Variants in GPC4 observed in about 807,000 individuals in gnomAD.
GPC4 encodes glypican 4.
Under a neutral mutation model 35.0 loss-of-function variants are expected in GPC4, and 10 were observed. The ratio of observed to expected loss-of-function variants is 0.29; its 90% CI spans 0.18 to 0.48. The LOEUF is 0.48. GPC4 is among the 20% of genes least tolerant of loss of function. The pLI, the probability that GPC4 is intolerant of heterozygous loss-of-function variation, is 0.99. For missense variants in GPC4, 322 were observed against 451.3 expected (o/e 0.71, Z 2.60); for synonymous variants, 167 against 170.2 (o/e 0.98, Z 0.15).
intron 1 of GPC4, among the ~76,000 whole-genome samples, chrX:133,378,077 G>C (rs192153612): frequency 1.9e-5 from 2 of 107,643 alleles, no homozygotes; most frequent in Non-Finnish European, 3.8e-5. Context: ...GTAGAGACAG[G>C]GTTTTGTCAC....
chrX:133,305,716 G>A, intron 6 of GPC4, 56 bp downstream of exon 6: 1 of 1,187,438 alleles, frequency 8.4e-7, no homozygotes, highest in South Asian at 1.9e-5. Context: ...TTCATTTTGA[G>A]CAAGAGTTTT....
chrX:133,311,036 T>C (rs1315581774), intron 4 of GPC4, among the ~76,000 whole-genome samples: 2 of 112,153 alleles, frequency 1.8e-5, no homozygotes, highest in East Asian at 5.6e-4. Flanking sequence ...TGGCAGCCAC[T>C]GTATCTATTA....
intron 1 of GPC4, among the ~76,000 whole-genome samples, chrX:133,357,730 T>C (rs972664315): frequency 2.7e-5 from 3 of 111,045 alleles, no homozygotes; most frequent in Non-Finnish European, 5.7e-5. Flanking sequence ...CCCTCCTAAC[T>C]TCTCTGAGAC....
At chrX:133,387,105 C>T (rs1371150077) in intron 1 of GPC4, among the ~76,000 whole-genome samples, 1 of 112,000 alleles carries the variant, frequency 8.9e-6, no homozygotes, top group Non-Finnish European at 1.9e-5. Flanking sequence ...AACTGTACCC[C>T]GACAGGATCC....
At chrX:133,364,735 A>G (rs772163620) in intron 1 of GPC4, among the ~76,000 whole-genome samples, 3 of 112,343 alleles carry the variant, frequency 2.7e-5, no homozygotes, top group African/African-American at 6.5e-5. Flanking sequence ...TAAAGAGAAC[A>G]CATAATCAAC....
intron 2 of GPC4, among the ~76,000 whole-genome samples, chrX:133,335,127 A>G: frequency 9.0e-6 from 1 of 111,137 alleles, no homozygotes. Flanking sequence ...TCCCTCCTGA[A>G]TTAAGTATGT....
intron 2 of GPC4, among the ~76,000 whole-genome samples, chrX:133,327,636 A>AGTGTGTGTGTGTGTGTGTGTGTGTGT (rs557359106): frequency 3.6e-5 from 3 of 83,287 alleles, no homozygotes; most frequent in African/African-American, 1.3e-4. Context: ...TGTCCAGGAA[A>AGTGTGTGTGTGTGTGTGTGTGTGTGT]GTGTGTGTGT....
intron 1 of GPC4, among the ~76,000 whole-genome samples, chrX:133,387,716 C>T (rs960348190): frequency 9.0e-6 from 1 of 111,577 alleles, no homozygotes; most frequent in Non-Finnish European, 1.9e-5. Flanking sequence ...TGTAAATGAG[C>T]GCTAGATTTC....
At chrX:133,333,804 T>C (rs1233320201) in intron 2 of GPC4, among the ~76,000 whole-genome samples, 3 of 112,226 alleles carry the variant, frequency 2.7e-5, no homozygotes, top group Non-Finnish European at 5.6e-5. Flanking sequence ...ACAGCAGAGG[T>C]TTTAGAAAGC....
At chrX:133,397,771 T>C (rs1472919549) in intron 1 of GPC4, among the ~76,000 whole-genome samples, 1 of 111,248 alleles carries the variant, frequency 9.0e-6, no homozygotes, top group South Asian at 3.8e-4. Context: ...ATAATAATAG[T>C]AGGCTGAGGC....
intron 2 of GPC4, among the ~76,000 whole-genome samples, chrX:133,338,311 A>G (rs1439426071): frequency 8.9e-6 from 1 of 111,895 alleles, no homozygotes; most frequent in Admixed American, 9.5e-5. Flanking sequence ...CTTCAAAGGT[A>G]CTATGTAATT....
chrX:133,369,237 T>C (rs1031386550), intron 1 of GPC4, among the ~76,000 whole-genome samples: 2 of 111,868 alleles, frequency 1.8e-5, no homozygotes, highest in Admixed American at 9.5e-5. Context: ...CTTTAAAAAC[T>C]AGTATATCAG....
rs766777711 is a variant in GPC4, at chrX:133,404,546, C to CAAA, written c.160+10257_160+10259dup. Reference sequence around the variant, plus strand: ...TGGGCAATAGAGCAAGACTCTGCCTCAAAAAAAAAAAAAAAAAAAGAAGGT... The same window carrying CAAA: ...TGGGCAATAGAGCAAGACTCTGCCTCAAAAAAAAAAAAAAAAAAAAAAGAAGGT... On this transcript the variant is annotated intron_variant, in intron 1 of 8. Coordinates refer to ENST00000370828, the MANE Select transcript of GPC4 (RefSeq NM_001448.3). Among the ~76,000 whole-genome samples the CAAA allele has an allele frequency of 1.1e-3, 41 of 37,368 alleles. 2 individuals are homozygous for CAAA. The highest frequency in any genetic ancestry group is 5.9e-3 in the African/African-American group (35 of 5,901). 32.4% of individuals were successfully genotyped at this position (37,368 alleles called of 115,157 possible). A position where few individuals can be genotyped will look rare whatever the true frequency, so the allele number is the denominator to read the frequency against.
chrX:133,401,960 T>C (rs2068769087), intron 1 of GPC4, among the ~76,000 whole-genome samples: 2 of 112,596 alleles, frequency 1.8e-5, no homozygotes, highest in Admixed American at 1.9e-4. Context: ...GTTGTCTTAT[T>C]TTGCTTTTTA....
chrX:133,329,614 C>A (rs2068409994), intron 2 of GPC4, among the ~76,000 whole-genome samples: 1 of 111,176 alleles, frequency 9.0e-6, no homozygotes. Flanking sequence ...AGAGAGCTTA[C>A]ATTACATTAA....
At chrX:133,334,488 T>C (rs1357652550) in intron 2 of GPC4, among the ~76,000 whole-genome samples, 5 of 111,692 alleles carry the variant, frequency 4.5e-5, no homozygotes, top group African/African-American at 1.6e-4. Flanking sequence ...AGTTAAAAAA[T>C]GATAGAGGGA....
intron 1 of GPC4, among the ~76,000 whole-genome samples, chrX:133,361,360 A>T (rs1442525134): frequency 1.8e-5 from 2 of 112,319 alleles, no homozygotes; most frequent in African/African-American, 6.5e-5. Context: ...GGTTCATATT[A>T]CTAAAAATAT....
In GPC4 at chrX:133,304,750, A is replaced by T; in HGVS notation, c.1267T>A (p.Cys423Ser). 8.3e-7 allele frequency: 1 copy of T among 1,211,766 alleles called. No homozygotes were observed. Among genetic ancestry groups the T allele is most frequent in the Non-Finnish European group, 1.1e-6 (1 of 895,423 alleles). The change falls in exon 7 of 9, where the codon TGT becomes AGT. Residue 423 changes from cysteine (C) to serine (S), a missense_variant. By Grantham distance (112) the Cys-to-Ser change is moderately radical. Coordinates refer to ENST00000370828, the MANE Select transcript of GPC4 (RefSeq NM_001448.3). The part of the protein sequence containing the change: ...MAAGNGNEDD[C>S]WNGKGKSRYL... ...CTGCTTTTGCCTTTCCCATTCCAAC[A>T]GTCATCCTCATTGCCGTTTCCTGCA...
chrX:133,326,726 T>C (rs1447200651), intron 2 of GPC4, among the ~76,000 whole-genome samples: 1 of 112,738 alleles, frequency 8.9e-6, no homozygotes, highest in African/African-American at 3.2e-5. Flanking sequence ...TGAATTGTGT[T>C]TTTAAATAAA....
Sources: allele counts gnomAD v4.1 joint callset (sites outside exome capture counted in the v4.1 genomes callset), GRCh38; gene constraint gnomAD v4.1.1; transcripts MANE v1.5; gene names NCBI Gene and HGNC (gene_info 2026-07-23, HGNC 2026-07-21).